ERC2: variants seen among roughly 807,000 people sequenced by gnomAD.
ERC2 encodes ERC protein 2.
A neutral mutation model predicts 114.8 loss-of-function variants in ERC2; 42 were observed. That is an observed-to-expected ratio of 0.37 (90% CI 0.29 to 0.47). The LOEUF (loss-of-function observed/expected upper bound fraction) is 0.47, where lower values mean the gene tolerates loss of function less well. Among genes scored for constraint, ERC2 ranks in the 20% least tolerant of loss-of-function variants. The pLI is 0.99. For synonymous variants in ERC2, 454 were observed against 425.5 expected, an observed-to-expected ratio of 1.07 and a Z score of -0.82; for missense variants, 939 against 1,150.7, an observed-to-expected ratio of 0.82 and a Z score of 2.66.
intron 14 of ERC2, among the ~76,000 whole-genome samples, chr3:55,825,975 G>C (rs1371040055): frequency 6.7e-6 from 1 of 148,492 alleles, no homozygotes; most frequent in Non-Finnish European, 1.5e-5. Flanking sequence ...AAGGAGAAAG[G>C]AAGGAAGGAA....
chr3:56,074,557 T>C (rs925177594), intron 7 of ERC2, among the ~76,000 whole-genome samples: 1 of 152,188 alleles, frequency 6.6e-6, no homozygotes, highest in Non-Finnish European at 1.5e-5. Context: ...GCATTCTCTT[T>C]GCAGAATAAG....
At chr3:55,876,869 G>T (rs2062874077) in intron 14 of ERC2, among the ~76,000 whole-genome samples, 1 of 152,150 alleles carries the variant, frequency 6.6e-6, no homozygotes, top group African/African-American at 2.4e-5. Context: ...ATAGTGAGCT[G>T]GTCTTTAATG....
chr3:55,687,993 CTT>C (rs1335374990), intron 16 of ERC2, among the ~76,000 whole-genome samples: 2 of 152,306 alleles, frequency 1.3e-5, no homozygotes, highest in Admixed American at 1.3e-4. Flanking sequence ...TTCATTCTGT[CTT>C]TTATTTCTCC....
At chr3:56,226,394 T>C (rs1271210714) in intron 3 of ERC2, among the ~76,000 whole-genome samples, 1 of 152,064 alleles carries the variant, frequency 6.6e-6, no homozygotes, top group East Asian at 1.9e-4. Context: ...TCTGTAGTTG[T>C]ACAAAATTAA....
At chr3:56,269,271 T>G (rs2053510883) in intron 3 of ERC2, among the ~76,000 whole-genome samples, 1 of 152,208 alleles carries the variant, frequency 6.6e-6, no homozygotes, top group Non-Finnish European at 1.5e-5. Context: ...GGTTCTCATC[T>G]CAAATTTATT....
At chr3:56,434,292 G>A (rs1484287351) in intron 2 of ERC2, 59 bp downstream of exon 2, 3 of 1,517,410 alleles carry the variant, frequency 2.0e-6, no homozygotes, top group African/African-American at 2.7e-5. Flanking sequence ...CATCTGCAAA[G>A]CATCAACTAC....
At chr3:55,957,039 C>G (rs938247608) in intron 12 of ERC2, among the ~76,000 whole-genome samples, 4 of 152,214 alleles carry the variant, frequency 2.6e-5, no homozygotes, top group Non-Finnish European at 1.5e-5. Context: ...TTTACCAGGC[C>G]AGCAGGACAC....
At chr3:55,775,002 T>C (rs1441153291) in intron 14 of ERC2, among the ~76,000 whole-genome samples, 1 of 152,168 alleles carries the variant, frequency 6.6e-6, no homozygotes. Flanking sequence ...AAAGAACAAA[T>C]TTTAATTCAA....
intron 14 of ERC2, among the ~76,000 whole-genome samples, chr3:55,767,644 G>A (rs2067901842): frequency 6.6e-6 from 1 of 152,108 alleles, no homozygotes. Context: ...AACTAGAGAT[G>A]GCACAGAGAC....
At chr3:56,068,242 T>A (rs1025680907) in intron 7 of ERC2, among the ~76,000 whole-genome samples, 4 of 152,156 alleles carry the variant, frequency 2.6e-5, no homozygotes, top group Non-Finnish European at 5.9e-5. Flanking sequence ...TTCAAGGATT[T>A]GACTTCTTCC....
intron 13 of ERC2, among the ~76,000 whole-genome samples, chr3:55,942,127 T>G (rs113333915): frequency 2.2e-4 from 34 of 152,214 alleles, no homozygotes; most frequent in African/African-American, 8.2e-4. Context: ...TGGGCAAGGA[T>G]GCAGAAGGCT....
intron 6 of ERC2, among the ~76,000 whole-genome samples, chr3:56,126,324 T>A (rs1344136369): frequency 1.3e-5 from 2 of 152,194 alleles, no homozygotes; most frequent in African/African-American, 4.8e-5. Context: ...AGGTGATACA[T>A]CATGTTAACA....
Position 56,385,995 on chromosome 3 carries a change from C to T in ERC2, c.657+48356G>A, listed in dbSNP as rs370602661. On this transcript the variant is annotated intron_variant, in intron 2 of 17. Coordinates refer to ENST00000288221, the MANE Select transcript of ERC2 (RefSeq NM_015576.3). ...GCCAAAAGGAAAGCATTATGAACTA[C>T]TGATAGACATATGGCTTCAAAGTCA... 1.1e-4 allele frequency among the ~76,000 whole-genome samples: 17 copies of T among 152,220 alleles called. 1 individual carries two copies. The South Asian group carries it at 3.5e-3, about 32-fold the overall frequency.
intron 7 of ERC2, among the ~76,000 whole-genome samples, chr3:56,026,290 T>C (rs532219102): frequency 1.3e-4 from 20 of 152,182 alleles, no homozygotes; most frequent in Non-Finnish European, 1.9e-4. Flanking sequence ...CTCCAAGTGA[T>C]CTGCCTGCCT....
At chr3:56,205,713 C>T (rs2048684359) in intron 3 of ERC2, among the ~76,000 whole-genome samples, 1 of 152,114 alleles carries the variant, frequency 6.6e-6, no homozygotes, top group Non-Finnish European at 1.5e-5. Context: ...AGGGAACACC[C>T]ACTTGAGAAA....
At chr3:56,033,085 A>AAAGAAAGAAAGAAAAGT (rs780022057) in intron 7 of ERC2, among the ~76,000 whole-genome samples, 5 of 145,028 alleles carry the variant, frequency 3.4e-5, no homozygotes, top group African/African-American at 1.3e-4. Context: ...AGAAAGAAAG[A>AAAGAAAGAAAGAAAAGT]AAAGTAAAGT....
chr3:56,457,850 G>T (rs2063133353), intron 1 of ERC2, among the ~76,000 whole-genome samples: 1 of 152,058 alleles, frequency 6.6e-6, no homozygotes, highest in African/African-American at 2.4e-5. Context: ...TGACACTTTA[G>T]GTGCTACTTT....
chr3:55,766,391 C>A (rs766752363), intron 14 of ERC2, among the ~76,000 whole-genome samples: 19 of 148,672 alleles, frequency 1.3e-4, no homozygotes, highest in Non-Finnish European at 2.1e-4. Context: ...TGGAGTCTCG[C>A]TCTGTCGCCC....
intron 3 of ERC2, among the ~76,000 whole-genome samples, chr3:56,274,927 C>G (rs2053898117): frequency 6.6e-6 from 1 of 152,176 alleles, no homozygotes; most frequent in African/African-American, 2.4e-5. Context: ...CTAATGGTCA[C>G]AAAAATAATT....
Sources: gnomAD v4.1 joint callset for allele counts (sites outside exome capture counted in the v4.1 genomes callset) on GRCh38, gnomAD v4.1.1 for gene constraint, MANE v1.5 for transcripts, NCBI Gene and HGNC (gene_info 2026-07-23, HGNC 2026-07-21) for gene names.